The following ZNF169 variants were observed in gnomAD, a reference collection of about 807,000 sequenced individuals.
ZNF169 encodes the protein zinc finger protein 169.
Under a neutral mutation model 12.0 loss-of-function variants are expected in ZNF169, and 11 were observed. The ratio of observed to expected loss-of-function variants is 0.92; its 90% CI spans 0.58 to 1.52. The LOEUF (loss-of-function observed/expected upper bound fraction) is 1.52, where lower values mean the gene tolerates loss of function less well. ZNF169 is among the 40% of genes most tolerant of loss of function. ZNF169 has a pLI of 0.00. For missense variants in ZNF169, 722 were observed against 744.0 expected (o/e 0.97, Z 0.34); for synonymous variants, 302 against 286.5 (o/e 1.05, Z -0.55).
intron 2 of ZNF169, among the ~76,000 whole-genome samples, chr9:94,291,775 A>G (rs993337717): frequency 1.3e-5 from 2 of 152,234 alleles, no homozygotes; most frequent in African/African-American, 4.8e-5. Context: ...CAAAATGTGT[A>G]GGGTCTGTTT....
intron 2 of ZNF169, among the ~76,000 whole-genome samples, chr9:94,290,423 C>G (rs1449913220): frequency 2.0e-5 from 3 of 152,124 alleles, no homozygotes; most frequent in African/African-American, 7.2e-5. Flanking sequence ...CCCCCCAGCC[C>G]CTGGTAACCT....
chr9:94,275,563 A>C (rs1168074817), intron 1 of ZNF169, among the ~76,000 whole-genome samples: 1 of 152,094 alleles, frequency 6.6e-6, no homozygotes, highest in East Asian at 1.9e-4. Context: ...AGGTGTAATA[A>C]ATTTTCTTAA....
At chr9:94,275,244 TAAATA>T (rs1425617073) in intron 1 of ZNF169, among the ~76,000 whole-genome samples, 3 of 152,090 alleles carry the variant, frequency 2.0e-5, no homozygotes, top group Admixed American at 6.6e-5. Flanking sequence ...TCTCAAAAAG[TAAATA>T]AAAAAGAAGT....
intron 1 of ZNF169, among the ~76,000 whole-genome samples, chr9:94,269,669 A>G (rs1352819878): frequency 6.6e-6 from 1 of 152,118 alleles, no homozygotes; most frequent in Non-Finnish European, 1.5e-5. Context: ...GGAGGAAGAG[A>G]GTTTTTATTT....
chr9:94,279,070 AG>A, intron 2 of ZNF169, among the ~76,000 whole-genome samples: 1 of 152,284 alleles, frequency 6.6e-6, no homozygotes, highest in East Asian at 1.9e-4. Flanking sequence ...ATAAAAATAC[AG>A]GACATCCATG....
intron 1 of ZNF169, among the ~76,000 whole-genome samples, chr9:94,260,948 T>C (rs1023397491): frequency 6.7e-5 from 10 of 149,028 alleles, no homozygotes; most frequent in African/African-American, 1.7e-4. Flanking sequence ...GGCTCCTGAG[T>C]AGCTGGTACC....
intron 2 of ZNF169, among the ~76,000 whole-genome samples, chr9:94,282,785 T>C (rs1467823089): frequency 2.0e-5 from 3 of 152,198 alleles, no homozygotes; most frequent in Non-Finnish European, 4.4e-5. Context: ...CATCAATTTG[T>C]GTAAGATTCC....
At chr9:94,262,507 G>A (rs1830222573) in intron 1 of ZNF169, among the ~76,000 whole-genome samples, 1 of 151,998 alleles carries the variant, frequency 6.6e-6, no homozygotes, top group African/African-American at 2.4e-5. Context: ...CGCCCAGGCT[G>A]GAGTGCAGTG....
chr9:94,260,224 TTG>T (rs1830176523), intron 1 of ZNF169, among the ~76,000 whole-genome samples: 1 of 152,154 alleles, frequency 6.6e-6, no homozygotes, highest in South Asian at 2.1e-4. Flanking sequence ...GGCTAATATT[TTG>T]TGTTTTAGTA....
chr9:94,277,448 G>A (rs1216555841), intron 1 of ZNF169, among the ~76,000 whole-genome samples: 1 of 152,136 alleles, frequency 6.6e-6, no homozygotes, highest in Non-Finnish European at 1.5e-5. Flanking sequence ...AGACTTTGTA[G>A]GGCAATTTCA....
In ZNF169 at chr9:94,301,264, C is replaced by G. The variant is rs779716885; in HGVS notation, c.1706C>G (p.Pro569Arg). ...RHQRTHSGEK[P>R]YVCRECGRGF... ...CAGCGGACCCATTCTGGGGAGAAGC[C>G]GTATGTCTGCAGGGAGTGTGGGCGT... The change falls in exon 5 of 5, where the codon CCG becomes CGG. Residue 569 changes from proline to arginine, a missense_variant. By Grantham distance (103) the Pro-to-Arg change is moderately radical. Coordinates refer to ENST00000395395, the MANE Select transcript of ZNF169 (RefSeq NM_194320.4). The G allele has an allele frequency of 4.3e-6, 7 of 1,614,132 alleles. No homozygotes were observed. Among genetic ancestry groups the G allele is most frequent in the South Asian group, 1.1e-5 (1 of 91,088 alleles).
chr9:94,273,876 G>A (rs1830474767), intron 1 of ZNF169, among the ~76,000 whole-genome samples: 1 of 152,142 alleles, frequency 6.6e-6, no homozygotes, highest in Non-Finnish European at 1.5e-5. Flanking sequence ...ACTGCGCCCG[G>A]CCAAAAGCTA....
chr9:94,292,873 A>T (rs1368816134), intron 3 of ZNF169, 101 bp from the exon 4 acceptor site: 1 of 994,376 alleles, frequency 1.0e-6, no homozygotes, highest in Non-Finnish European at 1.5e-6. Context: ...CCTCCCTACC[A>T]CCTTCTGGGT....
chr9:94,281,759 TATAGGTAAATTTAAACATTTTCTGG>T (rs1830643557), intron 2 of ZNF169, among the ~76,000 whole-genome samples: 1 of 152,206 alleles, frequency 6.6e-6, no homozygotes, highest in Middle Eastern at 3.2e-3. Flanking sequence ...GCTCCGAGGC[TATAGGTAAATTTAAACATTTTCTGG>T]TTGACGGTTG....
chr9:94,279,746 G>T (rs1259205578), intron 2 of ZNF169, among the ~76,000 whole-genome samples: 1 of 152,242 alleles, frequency 6.6e-6, no homozygotes, highest in African/African-American at 2.4e-5. Flanking sequence ...ACAGCCAGTG[G>T]TCTTTAGCCA....
chr9:94,271,976 G>C (rs1012771598), intron 1 of ZNF169, among the ~76,000 whole-genome samples: 1 of 151,952 alleles, frequency 6.6e-6, no homozygotes, highest in African/African-American at 2.4e-5. Flanking sequence ...TTTACTTCTG[G>C]TTAAAGTTTA....
rs563260859 is a variant in ZNF169, at chr9:94,287,489, C to T, written c.34-4852C>T. Among the ~76,000 whole-genome samples, 5 of 152,190 alleles carry T rather than the reference C, an allele frequency of 3.3e-5. No individual in the cohort carries two copies. The South Asian group carries it at 6.2e-4, about 19-fold the overall frequency. ...CAAGTGATTCTCCTGCCTCAGCCCC[C>T]GGTTAGCTGGGACTACAGGCGCCCG... On this transcript the variant is annotated intron_variant, in intron 2 of 4. Transcript: ENST00000395395.
At chr9:94,276,846 A>G (rs911212439) in intron 1 of ZNF169, among the ~76,000 whole-genome samples, 1 of 152,204 alleles carries the variant, frequency 6.6e-6, no homozygotes, top group Non-Finnish European at 1.5e-5. Flanking sequence ...GAACGTTTGT[A>G]TCATTTCTTA....
At chr9:94,282,543 G>A (rs1830659704) in intron 2 of ZNF169, among the ~76,000 whole-genome samples, 1 of 152,136 alleles carries the variant, frequency 6.6e-6, no homozygotes, top group African/African-American at 2.4e-5. Context: ...TCCAAAGGAG[G>A]CAAACAGATA....
Sources: gnomAD v4.1 joint callset for allele counts (sites outside exome capture counted in the v4.1 genomes callset) on GRCh38, gnomAD v4.1.1 for gene constraint, MANE v1.5 for transcripts, NCBI Gene and HGNC (gene_info 2026-07-23, HGNC 2026-07-21) for gene names.